The following PIBF1 variants were observed in gnomAD, a reference collection of about 807,000 sequenced individuals.
PIBF1 encodes progesterone immunomodulatory binding factor 1, also known as progesterone-induced-blocking factor 1.
PIBF1 carries 90 observed loss-of-function variants against 112.5 expected under a neutral mutation model. That is an observed-to-expected ratio of 0.80 (90% CI 0.67 to 0.95). The LOEUF (loss-of-function observed/expected upper bound fraction) is 0.95, where lower values mean the gene tolerates loss of function less well. PIBF1 is among the 40% of genes least tolerant of loss of function. The pLI is 0.00. For synonymous variants in PIBF1, 301 were observed against 288.6 expected, an observed-to-expected ratio of 1.04 and a Z score of -0.44; for missense variants, 915 against 852.3, an observed-to-expected ratio of 1.07 and a Z score of -0.92.
chr13:72,935,158 G>C (rs2041830932), intron 14 of PIBF1, among the ~76,000 whole-genome samples: 1 of 152,060 alleles, frequency 6.6e-6, no homozygotes, highest in East Asian at 1.9e-4. Flanking sequence ...GATAATTTTT[G>C]TATTTTTAGT....
intron 8 of PIBF1, among the ~76,000 whole-genome samples, chr13:72,830,317 A>AT (rs1362011656): frequency 6.6e-6 from 1 of 152,098 alleles, no homozygotes; most frequent in African/African-American, 2.4e-5. Context: ...ACCATGTTGA[A>AT]TAGGAGGGGT....
At chr13:72,963,262 A>T (rs1347029328) in intron 14 of PIBF1, among the ~76,000 whole-genome samples, 1 of 152,194 alleles carries the variant, frequency 6.6e-6, no homozygotes, top group East Asian at 1.9e-4. Context: ...CATAAAATAG[A>T]TAAATTGAAT....
At chr13:72,879,801 T>C (rs903819004) in intron 10 of PIBF1, among the ~76,000 whole-genome samples, 15 of 151,958 alleles carry the variant, frequency 9.9e-5, no homozygotes, top group African/African-American at 3.4e-4. Context: ...GAGGGGGAAA[T>C]AAAAATAAAA....
chr13:72,956,394 C>T (rs2042446842), intron 14 of PIBF1, among the ~76,000 whole-genome samples: 1 of 152,006 alleles, frequency 6.6e-6, no homozygotes, highest in Non-Finnish European at 1.5e-5. Context: ...CACATACATA[C>T]ATGGGGGAAG....
rs144455429 is a variant in PIBF1 at position 72,847,922 on chromosome 13, A to G, written c.1224-6135A>G. Among the ~76,000 whole-genome samples, 204 of 152,316 alleles carry G rather than the reference A, an allele frequency of 1.3e-3. 1 individual carries two copies. The highest frequency in any genetic ancestry group is 4.7e-3 in the African/African-American group (196 of 41,576). On this transcript the variant is annotated intron_variant, in intron 9 of 17. Coordinates refer to ENST00000326291, the MANE Select transcript of PIBF1 (RefSeq NM_006346.4). ...GTCCAGGAAGACGCTGGAGGTAGAG[A>G]TGATAAATTCAAACACTTTTCCTAT...
intron 2 of PIBF1, among the ~76,000 whole-genome samples, chr13:72,787,515 T>C (rs2034663057): frequency 6.6e-6 from 1 of 152,190 alleles, no homozygotes; most frequent in African/African-American, 2.4e-5. Flanking sequence ...ATGGGGTATT[T>C]TGAAATGAAC....
chr13:72,948,810 G>T (rs1033910203), intron 14 of PIBF1, among the ~76,000 whole-genome samples: 4 of 152,138 alleles, frequency 2.6e-5, no homozygotes, highest in South Asian at 2.1e-4. Flanking sequence ...CAGAACAAAG[G>T]GGGGAAAGCC....
chr13:72,810,727 ACAAAT>A (rs2138058702), intron 5 of PIBF1, among the ~76,000 whole-genome samples: 1 of 152,372 alleles, frequency 6.6e-6, no homozygotes, highest in Non-Finnish European at 1.5e-5. Context: ...AGAATGCTTA[ACAAAT>A]TAGTAAACAG....
At position 72,877,045 on chromosome 13, in the gene PIBF1, G is replaced by A. The variant is rs533177824; in HGVS notation, c.1323-16739G>A. On this transcript the variant is annotated intron_variant, in intron 10 of 17. Transcript: ENST00000326291. The stretch of plus-strand genomic sequence containing the variant: ...TTGTGTTATTTTTTATCAAGTTGAG[G>A]AACTTCCCGCTATTCCTAGTTTACT... Among the ~76,000 whole-genome samples the A allele has an allele frequency of 4.6e-5, 7 of 152,194 alleles. No individual in the cohort carries two copies. The South Asian group carries it at 1.5e-3, about 32-fold the overall frequency.
chr13:72,784,152 C>T (rs1410408147), intron 2 of PIBF1, among the ~76,000 whole-genome samples: 2 of 150,768 alleles, frequency 1.3e-5, no homozygotes, highest in East Asian at 1.9e-4. Flanking sequence ...TCACAATGTA[C>T]GTATACTTCA....
intron 14 of PIBF1, among the ~76,000 whole-genome samples, chr13:72,940,680 A>G (rs759334832): frequency 6.6e-6 from 1 of 152,134 alleles, no homozygotes; most frequent in Non-Finnish European, 1.5e-5. Flanking sequence ...GATTCTTCCA[A>G]ATCTTGCTTT....
chr13:72,930,433 T>C (rs2041662294), intron 13 of PIBF1, among the ~76,000 whole-genome samples: 1 of 152,186 alleles, frequency 6.6e-6, no homozygotes, highest in African/African-American at 2.4e-5. Context: ...CTTCTCAAAA[T>C]TATTAGCAGT....
At chr13:72,823,254 A>T (rs1309655612) in intron 6 of PIBF1, among the ~76,000 whole-genome samples, 1 of 152,240 alleles carries the variant, frequency 6.6e-6, no homozygotes, top group African/African-American at 2.4e-5. Flanking sequence ...AGAATAATCC[A>T]TCGGGGCCAC....
intron 10 of PIBF1, among the ~76,000 whole-genome samples, chr13:72,855,919 A>C (rs1390972993): frequency 6.6e-6 from 1 of 152,208 alleles, no homozygotes; most frequent in African/African-American, 2.4e-5. Flanking sequence ...TAAGGTTTAA[A>C]AGAAAACGTA....
intron 16 of PIBF1, among the ~76,000 whole-genome samples, chr13:72,984,295 C>A (rs2043222924): frequency 6.6e-6 from 1 of 151,890 alleles, no homozygotes; most frequent in Non-Finnish European, 1.5e-5. Context: ...GTTATACTAC[C>A]CTACTTAGGA....
intron 11 of PIBF1, among the ~76,000 whole-genome samples, chr13:72,895,750 C>T (rs2138583568): frequency 6.6e-6 from 1 of 152,192 alleles, no homozygotes; most frequent in African/African-American, 2.4e-5. Flanking sequence ...ATTTTAGCTC[C>T]AGATCGACTG....
At chr13:72,995,910 C>T (rs2043639833) in intron 16 of PIBF1, among the ~76,000 whole-genome samples, 1 of 150,152 alleles carries the variant, frequency 6.7e-6, no homozygotes, top group African/African-American at 2.4e-5. Context: ...GATCTTGCCA[C>T]TGCACTCCAG....
intron 11 of PIBF1, among the ~76,000 whole-genome samples, chr13:72,895,714 CCTT>C (rs2040253810): frequency 1.0e-5 from 1 of 96,542 alleles, no homozygotes; most frequent in Admixed American, 9.7e-5. Flanking sequence ...GTGTTAAAAG[CCTT>C]AGAAGGTTGA....
intron 17 of PIBF1, among the ~76,000 whole-genome samples, chr13:73,012,559 A>G (rs1009152517): frequency 6.0e-5 from 9 of 148,924 alleles, no homozygotes; most frequent in Non-Finnish European, 1.3e-4. Flanking sequence ...GACCCTGTCT[A>G]CACACACACA....
Sources: gnomAD v4.1 joint callset for allele counts (sites outside exome capture counted in the v4.1 genomes callset) on GRCh38, gnomAD v4.1.1 for gene constraint, MANE v1.5 for transcripts, NCBI Gene and HGNC (gene_info 2026-07-23, HGNC 2026-07-21) for gene names.